Variants in SRRD observed in about 807,000 individuals in gnomAD.
The protein encoded by SRRD is SRR1-like protein.
Under a neutral mutation model 30.7 loss-of-function variants are expected in SRRD, and 28 were observed. That is an observed-to-expected ratio of 0.91 (90% CI 0.68 to 1.25). The LOEUF is 1.25. SRRD is among the 50% of genes most tolerant of loss of function. SRRD has a pLI of 0.00. For synonymous variants in SRRD, 161 were observed against 159.6 expected, an observed-to-expected ratio of 1.01 and a Z score of -0.07; for missense variants, 415 against 417.3, an observed-to-expected ratio of 0.99 and a Z score of 0.05.
At chr22:26,490,559 C>CTTTTTTTTTTCTTTTTT (rs1921029559) in intron 5 of SRRD, among the ~76,000 whole-genome samples, 1 of 51,834 alleles carries the variant, frequency 1.9e-5, no homozygotes, top group Non-Finnish European at 3.4e-5. Context: ...GGAATATTTG[C>CTTTTTTTTTTCTTTTTT]TTTTTTTTTT....
At chr22:26,490,489 T>C (rs956969836) in intron 5 of SRRD, among the ~76,000 whole-genome samples, 4 of 151,430 alleles carry the variant, frequency 2.6e-5, no homozygotes, top group Non-Finnish European at 5.9e-5. Flanking sequence ...GTCCTCATTC[T>C]GTTTCACGTG....
rs1470955680 is a variant in SRRD, at chr22:26,489,248, G to A, written c.609+760G>A. Among the ~76,000 whole-genome samples the A allele has an allele frequency of 4.6e-5, 7 of 152,122 alleles. 1 individual carries two copies. The highest frequency in any genetic ancestry group is 4.6e-4 in the Admixed American group (7 of 15,278). ...TTTCTGGGTGCCTGTTCTGTGCTAG[G>A]CAGGGAGCTTTGGGGAGACCAAGAA... On this transcript the variant is annotated intron_variant, in intron 4 of 6. Coordinates refer to ENST00000215917, the MANE Select transcript of SRRD (RefSeq NM_001013694.3).
rs780595423 is a variant in SRRD at position 26,491,642 on chromosome 22, CAA to C, written c.991_992del (p.Lys331GlufsTer8). The C allele has an allele frequency of 2.5e-6, 4 of 1,613,060 alleles. No individual in the cohort carries two copies. The highest frequency in any genetic ancestry group is 1.7e-5 in the Admixed American group (1 of 60,026). On this transcript the variant is annotated frameshift_variant, in exon 7 of 7. Transcript: ENST00000215917. LOFTEE classifies it low-confidence loss of function (END_TRUNC). Reference protein sequence around the residue: ...DCEDLEIIRNKREDPSATD With the variant: ...DCEDLEIIRNXREDPSATD ...GTGAGGACCTTGAAATCATCAGGAA[CAA>C]GAGAGAAGATCCTTCTGCTACTGAC... is the stretch of plus-strand genomic sequence containing the variant.
chr22:26,491,644 A>G lies in SRRD; in HGVS notation c.992A>G (p.Lys331Arg), dbSNP rs775443936. ...GAGGACCTTGAAATCATCAGGAACA[A>G]GAGAGAAGATCCTTCTGCTACTGAC... The part of the protein sequence containing the change: ...DCEDLEIIRN[K>R]REDPSATD Residue 331 changes from lysine to arginine, a missense_variant, in exon 7 of 7, where the codon AAG (lysine) becomes AGG (arginine). Physicochemically the swap from Lys to Arg is conservative, Grantham distance 26 (BLOSUM62 2). Coordinates refer to ENST00000215917, the MANE Select transcript of SRRD (RefSeq NM_001013694.3). 1 of 1,612,988 alleles carries G rather than the reference A, an allele frequency of 6.2e-7. No individual in the cohort carries two copies. Among genetic ancestry groups the G allele is most frequent in the Non-Finnish European group, 8.5e-7 (1 of 1,180,032 alleles).
intron 4 of SRRD, among the ~76,000 whole-genome samples, chr22:26,489,298 A>G (rs909956832): frequency 6.6e-6 from 1 of 152,126 alleles, no homozygotes; most frequent in Non-Finnish European, 1.5e-5. Flanking sequence ...CCCTGTGTTC[A>G]GGGAGCCCAT....
intron 2 of SRRD, among the ~76,000 whole-genome samples, chr22:26,487,518 CCTGA>C (rs765679926): frequency 2.0e-5 from 3 of 152,032 alleles, no homozygotes; most frequent in Non-Finnish European, 4.4e-5. Flanking sequence ...CGCCAGTACG[CCTGA>C]CTAATTTTTT....
intron 5 of SRRD, 167 bp from the exon 6 acceptor site, chr22:26,490,858 T>G: frequency 1.6e-6 from 1 of 624,578 alleles, no homozygotes; most frequent in South Asian, 2.2e-5. Context: ...GGCCCACATT[T>G]TCAACTATTT....
At position 26,483,935 on chromosome 22, in the gene SRRD, G is replaced by T. The variant is rs1569145597; in HGVS notation, c.45G>T (p.Ala15=). 7.4e-7 allele frequency: 1 copy of T among 1,351,758 alleles called. No individual in the cohort carries two copies. Among genetic ancestry groups the T allele is most frequent in the Admixed American group, 4.1e-5 (1 of 24,392 alleles). The allele number at this position is 1,351,758 out of a possible 1,614,324, so 83.7% of individuals were successfully genotyped here. ...AAAALESWQA[A]APRKRRSAAR... ...CGGCGCTGGAATCCTGGCAGGCGGCGGCTCCGCGGAAGAGGCGCTCCGCGG... is the reference window on the plus strand; with the variant it reads ...CGGCGCTGGAATCCTGGCAGGCGGCTGCTCCGCGGAAGAGGCGCTCCGCGG... The change falls in exon 1 of 7, where the codon GCG becomes GCT. Residue 15 remains alanine, a synonymous_variant. Coordinates refer to ENST00000215917, the MANE Select transcript of SRRD (RefSeq NM_001013694.3).
At position 26,490,102 on chromosome 22, in the gene SRRD, C is replaced by T. The variant is rs757231877; in HGVS notation, c.668C>T (p.Thr223Met). 2.7e-5 allele frequency: 43 copies of T among 1,613,980 alleles called. No individual in the cohort carries two copies. Among genetic ancestry groups the T allele is most frequent in the Middle Eastern group, 1.6e-4 (1 of 6,084 alleles). ...PTIFYMLHCG[T>M]ALYNNLLWSN... ...ATCTTTTACATGCTCCATTGTGGGA[C>T]GGCCTTGTACAACAATCTTTTATGG... The change falls in exon 5 of 7, where the codon ACG (threonine) becomes ATG (methionine). Residue 223 changes from threonine to methionine, a missense_variant. Physicochemically the swap from Thr to Met is moderately conservative, Grantham distance 81 (BLOSUM62 -1). Coordinates refer to ENST00000215917, the MANE Select transcript of SRRD (RefSeq NM_001013694.3).
rs752764561 is a variant in SRRD at position 26,488,157 on chromosome 22, A to G, written c.379A>G (p.Ile127Val). 19 of 1,614,236 alleles carry G rather than the reference A, an allele frequency of 1.2e-5. No individual in the cohort carries two copies. Among genetic ancestry groups the G allele is most frequent in the Non-Finnish European group, 1.6e-5 (19 of 1,180,032 alleles). ...PEESDVATDS[I>V]PREILVTGTC... ...GGAGTCAGATGTGGCCACTGATTCT[A>G]TCCCAAGAGAGATCTTGGTCACAGG... is the stretch of plus-strand genomic sequence containing the variant. Residue 127 changes from isoleucine to valine, a missense_variant, in exon 3 of 7, where the codon ATC (isoleucine) becomes GTC (valine). Coordinates refer to ENST00000215917, the MANE Select transcript of SRRD (RefSeq NM_001013694.3).
rs1569146278 is a variant in SRRD, at chr22:26,484,006, CGGCGCCCCGGGG to C, written c.118_129del (p.Ala40_Gly43del). On this transcript the variant is annotated inframe_deletion, in exon 1 of 7. Transcript: ENST00000215917. ...GAGGCGGCGCCCCGGGGGAGAGAGG[CGGCGCCCCGGGG>C]GAGAGAGGCGGCGCCCCGGGGCCCC... The C allele has an allele frequency of 1.5e-5, 20 of 1,349,972 alleles. No homozygotes were observed. Among genetic ancestry groups the C allele is most frequent in the Non-Finnish European group, 1.8e-5 (19 of 1,054,164 alleles). The allele number at this position is 1,349,972 out of a possible 1,614,324, so 83.6% of individuals were successfully genotyped here. A position where few individuals can be genotyped will look rare whatever the true frequency, so the allele number is the denominator to read the frequency against.
intron 2 of SRRD, among the ~76,000 whole-genome samples, chr22:26,486,628 A>C (rs2091710682): frequency 6.6e-6 from 1 of 152,130 alleles, no homozygotes; most frequent in Non-Finnish European, 1.5e-5. Flanking sequence ...CCTCCCACCT[A>C]CAGCTTCCCA....
chr22:26,492,224 G>A lies in SRRD; in HGVS notation c.*552G>A, dbSNP rs377384093. On this transcript the variant is annotated 3_prime_UTR_variant, in exon 7 of 7. Coordinates refer to ENST00000215917, the MANE Select transcript of SRRD (RefSeq NM_001013694.3). ...GAGGTCCTTAAAGTTCATGGGCACA[G>A]AGCTAGCGGCCACGCCAATGCCCCT... The A allele has an allele frequency of 6.2e-7, 1 of 1,614,208 alleles. No homozygotes were observed. The highest frequency in any genetic ancestry group is 8.5e-7 in the Non-Finnish European group (1 of 1,180,034).
chr22:26,494,331 C>G lies in SRRD; in HGVS notation c.*2659C>G. The G allele has an allele frequency of 6.2e-7, 1 of 1,614,072 alleles. No homozygotes were observed. Among genetic ancestry groups the G allele is most frequent in the Non-Finnish European group, 8.5e-7 (1 of 1,179,978 alleles). ...TGCCAAAAAGAAAAATTACTTGCAT[C>G]CATCGTGGCAACAAATGAAGGCAAG... On this transcript the variant is annotated 3_prime_UTR_variant, in exon 7 of 7. Coordinates refer to ENST00000215917, the MANE Select transcript of SRRD (RefSeq NM_001013694.3).
chr22:26,488,629 G>A (rs750402605), intron 4 of SRRD, 141 bp downstream of exon 4: 4 of 662,060 alleles, frequency 6.0e-6, no homozygotes, highest in African/African-American at 3.6e-5. Context: ...GTGCCTGAAC[G>A]ATGTAACCAG....
Position 26,491,072 on chromosome 22 carries a change from T to C in SRRD, c.810+2T>C, listed in dbSNP as rs924141678. On this transcript the variant is annotated splice_donor_variant, in intron 6 of 6. Transcript: ENST00000215917. LOFTEE classifies it high-confidence loss of function. ...AAAAATTATCCCTACATTGCAAAGG[T>C]ATCTATCTGAATAAAGGGGCTGGGA... is the stretch of plus-strand genomic sequence containing the variant. 6.2e-7 allele frequency: 1 copy of C among 1,612,056 alleles called. No homozygotes were observed. The highest frequency in any genetic ancestry group is 8.5e-7 in the Non-Finnish European group (1 of 1,179,330).
At chr22:26,489,905 TA>T in intron 4 of SRRD, 138 bp from the exon 5 acceptor site, 1 of 848,496 alleles carries the variant, frequency 1.2e-6, no homozygotes, top group East Asian at 2.5e-5. Context: ...TATACGAGTG[TA>T]ACTGTTCCAC....
chr22:26,486,320 ATGT>A (rs1303308698), intron 2 of SRRD, among the ~76,000 whole-genome samples: 9 of 152,150 alleles, frequency 5.9e-5, no homozygotes, highest in African/African-American at 2.2e-4. Flanking sequence ...AAGGCAATAA[ATGT>A]TGTCATTATT....
Position 26,491,767 on chromosome 22 carries a change from G to C in SRRD, c.*95G>C. The C allele has an allele frequency of 8.3e-7, 1 of 1,206,420 alleles. No individual in the cohort carries two copies. The highest frequency in any genetic ancestry group is 1.5e-5 in the African/African-American group (1 of 65,570). The allele number at this position is 1,206,420 out of a possible 1,614,324, so 74.7% of individuals were successfully genotyped here. On this transcript the variant is annotated 3_prime_UTR_variant, in exon 7 of 7. Transcript: ENST00000215917. Reference sequence around the variant, plus strand: ...TGGAGGAACTACAGAGAACTCCTTTGCCAGGAAAGAACATCAACTTGGCTG... The same window carrying C: ...TGGAGGAACTACAGAGAACTCCTTTCCCAGGAAAGAACATCAACTTGGCTG...
Sources: gnomAD v4.1 joint callset for allele counts (sites outside exome capture counted in the v4.1 genomes callset) on GRCh38, gnomAD v4.1.1 for gene constraint, MANE v1.5 for transcripts, NCBI Gene and HGNC (gene_info 2026-07-23, HGNC 2026-07-21) for gene names.